CRACR2A: variants seen among roughly 807,000 people sequenced by gnomAD.
CRACR2A encodes calcium release activated channel regulator 2A.
Under a neutral mutation model 90.5 loss-of-function variants are expected in CRACR2A, and 79 were observed. The ratio of observed to expected loss-of-function variants is 0.87; its 90% CI spans 0.73 to 1.05. The LOEUF is 1.05. Ranked by LOEUF, CRACR2A falls within the 50% of genes least tolerant of loss-of-function variation. The probability of loss-of-function intolerance (pLI) is 0.00; values close to 1 mark genes in which losing one functional copy is unlikely to be tolerated. For missense variants in CRACR2A, 823 were observed against 897.2 expected (o/e 0.92, Z 1.06); for synonymous variants, 338 against 356.7 (o/e 0.95, Z 0.59).
At chr12:3,659,381 T>C (rs1342783415) in intron 8 of CRACR2A, among the ~76,000 whole-genome samples, 183 bp downstream of exon 8, 1 of 151,460 alleles carries the variant, frequency 6.6e-6, no homozygotes. Flanking sequence ...AGACACTCAA[T>C]AAAAATAAAC....
At chr12:3,743,923 T>C (rs1946569802) in intron 1 of CRACR2A, among the ~76,000 whole-genome samples, 1 of 152,164 alleles carries the variant, frequency 6.6e-6, no homozygotes, top group Non-Finnish European at 1.5e-5. Context: ...TCGCAGAAGA[T>C]GTGTCAGATG....
intron 4 of CRACR2A, among the ~76,000 whole-genome samples, chr12:3,686,837 T>C (rs950204852): frequency 3.9e-5 from 6 of 152,190 alleles, no homozygotes; most frequent in Non-Finnish European, 8.8e-5. Flanking sequence ...ACTTGGTTCA[T>C]GCAGGTCAAC....
chr12:3,745,807 A>T (rs1243573209), intron 1 of CRACR2A, among the ~76,000 whole-genome samples: 1 of 4,452 alleles, frequency 2.2e-4, no homozygotes, highest in Non-Finnish European at 5.5e-4. Flanking sequence ...AAATAAAATA[A>T]AATAAAATAA....
chr12:3,617,042 A>G lies in CRACR2A; in HGVS notation c.2035-12T>C. 1 of 1,547,058 alleles carries G rather than the reference A, an allele frequency of 6.5e-7. No individual in the cohort carries two copies. On this transcript the variant is annotated splice_polypyrimidine_tract_variant and intron_variant, in intron 18 of 19. Transcript: ENST00000440314. ...ATCAGATTGTTCTCCTAGAATCATA[A>G]AACAGAGCGAATACAAGAGTATTGG... is the stretch of plus-strand genomic sequence containing the variant.
chr12:3,627,484 T>C lies in CRACR2A; in HGVS notation c.1884A>G (p.Thr628=). The change falls in exon 17 of 20, where the codon ACA becomes ACG. Residue 628 remains threonine, a synonymous_variant. Transcript: ENST00000440314. The stretch of plus-strand genomic sequence containing the variant: ...GGACCGACAGGAACGACTGCTTGTC[T>C]GTGAGATCGTACATGACGATGACAC... ...ADGVIVMYDL[T]DKQSFLSVRR... is the part of the protein sequence containing the mutation. The C allele has an allele frequency of 6.4e-7, 1 of 1,552,026 alleles. No homozygotes were observed. Among genetic ancestry groups the C allele is most frequent in the Non-Finnish European group, 8.7e-7 (1 of 1,147,074 alleles).
chr12:3,627,499 G>A lies in CRACR2A; in HGVS notation c.1869C>T (p.Val623=). ...QFFRKADGVI[V]MYDLTDKQSF... The stretch of plus-strand genomic sequence containing the variant: ...ACTGCTTGTCTGTGAGATCGTACAT[G>A]ACGATGACACCATCTGCCTTTCTGA... Residue 623 remains valine (V), a synonymous_variant, in exon 17 of 20, where the codon GTC becomes GTT. Transcript: ENST00000440314. 6.4e-7 allele frequency: 1 copy of A among 1,551,896 alleles called. No individual in the cohort carries two copies. Among genetic ancestry groups the A allele is most frequent in the South Asian group, 1.2e-5 (1 of 84,060 alleles).
chr12:3,751,599 G>A (rs73033675), intron 1 of CRACR2A, among the ~76,000 whole-genome samples: 12,079 of 152,168 alleles, frequency 0.079, 640 homozygotes, highest in African/African-American at 0.15. Context: ...CCACCTTCAC[G>A]GCTTTGCTCA....
chr12:3,647,279 A>G (rs894441061), intron 11 of CRACR2A, among the ~76,000 whole-genome samples: 2 of 135,458 alleles, frequency 1.5e-5, no homozygotes, highest in African/African-American at 5.7e-5. Flanking sequence ...CCTTCCCTCC[A>G]CCTCTCAGCT....
At chr12:3,695,438 C>G (rs1945722762) in intron 4 of CRACR2A, among the ~76,000 whole-genome samples, 1 of 152,086 alleles carries the variant, frequency 6.6e-6, no homozygotes, top group Non-Finnish European at 1.5e-5. Context: ...AGCTGGTGTT[C>G]CCCAGGTCTT....
At position 3,696,973 on chromosome 12, in the gene CRACR2A, G is replaced by A. The variant is rs367762382; in HGVS notation, c.27C>T (p.Val9=). ...CCTGACCAAGTCTCTGGGGTCTGGA[G>A]ACTACCCTCCCGTCAGGGGCAGCCA... MAAPDGRV[V]SRPQRLGQGS... Residue 9 remains valine, a synonymous_variant, in exon 4 of 20, where the codon GTC becomes GTT. Transcript: ENST00000440314. The A allele has an allele frequency of 1.8e-5, 29 of 1,613,740 alleles. No individual in the cohort carries two copies. The African/African-American group carries it at 2.5e-4, about 14-fold the overall frequency.
In CRACR2A at chr12:3,625,651, C is replaced by T. The variant is rs530887648; in HGVS notation, c.1932+1785G>A. 8.0e-4 allele frequency among the ~76,000 whole-genome samples: 120 copies of T among 149,262 alleles called. 1 individual carries two copies. Among genetic ancestry groups the T allele is most frequent in the African/African-American group, 2.9e-3 (117 of 40,246 alleles). On this transcript the variant is annotated intron_variant, in intron 17 of 19. Transcript: ENST00000440314. ...GATTTTCAAAGGGAAACTCTTTTGT[C>T]TAACAAAATTGTAGCTGACCTCCAA... is the stretch of plus-strand genomic sequence containing the variant.
Position 3,642,041 on chromosome 12 carries a change from A to C in CRACR2A, c.1165-203T>G, listed in dbSNP as rs375814583. On this transcript the variant is annotated intron_variant, in intron 12 of 19. Transcript: ENST00000440314. The stretch of plus-strand genomic sequence containing the variant: ...ACCAGAATCCCTCCATCTCCTTTCC[A>C]GTCAGCTAATCAAATGAACAAGTGC... Among the ~76,000 whole-genome samples the C allele has an allele frequency of 3.3e-5, 5 of 152,174 alleles. No homozygotes were observed. The East Asian group carries it at 5.8e-4, about 18-fold the overall frequency.
rs535097491 is a variant in CRACR2A at position 3,710,495 on chromosome 12, T to C, written c.-37+2742A>G. ...AACTTCTCACAGTGTTCTCACATGG[T>C]AAGAAAGATGGGAAGTTGGCCGGGC... is the stretch of plus-strand genomic sequence containing the variant. On this transcript the variant is annotated intron_variant, in intron 3 of 19. Transcript: ENST00000440314. 8.6e-5 allele frequency among the ~76,000 whole-genome samples: 13 copies of C among 152,046 alleles called. No homozygotes were observed. In the South Asian group the frequency reaches 2.3e-3, roughly 27 times the overall value.
chr12:3,649,910 A>T (rs1944764889), intron 10 of CRACR2A, among the ~76,000 whole-genome samples: 1 of 152,186 alleles, frequency 6.6e-6, no homozygotes, highest in Non-Finnish European at 1.5e-5. Flanking sequence ...GGAGGTCTTC[A>T]GCATCACTCA....
chr12:3,660,958 T>C (rs954223455), intron 7 of CRACR2A, among the ~76,000 whole-genome samples: 8 of 151,766 alleles, frequency 5.3e-5, no homozygotes, highest in African/African-American at 1.9e-4. Context: ...GGGACTTCAA[T>C]AATTGAGGAA....
intron 4 of CRACR2A, among the ~76,000 whole-genome samples, chr12:3,683,367 C>T (rs1945491287): frequency 6.6e-6 from 1 of 152,208 alleles, no homozygotes; most frequent in African/African-American, 2.4e-5. Context: ...CAAGACCCAG[C>T]CTTCCAGAGA....
At chr12:3,743,164 C>A (rs1444370055) in intron 1 of CRACR2A, among the ~76,000 whole-genome samples, 1 of 152,168 alleles carries the variant, frequency 6.6e-6, no homozygotes, top group African/African-American at 2.4e-5. Context: ...AGGGCTTGTA[C>A]ATTTTTTAAA....
chr12:3,643,969 AT>A (rs1944636617), intron 12 of CRACR2A, among the ~76,000 whole-genome samples: 1 of 132,542 alleles, frequency 7.5e-6, no homozygotes, highest in Non-Finnish European at 1.5e-5. Context: ...ACAGCTGGGA[AT>A]TTCATCCGTT....
chr12:3,747,411 G>A (rs1324924407), intron 1 of CRACR2A, among the ~76,000 whole-genome samples: 3 of 152,172 alleles, frequency 2.0e-5, no homozygotes, highest in African/African-American at 7.2e-5. Flanking sequence ...TTTGGTCAAG[G>A]TGGGGCTGCA....
Sources: allele counts gnomAD v4.1 joint callset (sites outside exome capture counted in the v4.1 genomes callset), GRCh38; gene constraint gnomAD v4.1.1; transcripts MANE v1.5; gene names NCBI Gene and HGNC (gene_info 2026-07-23, HGNC 2026-07-21).